Variants in IPO7 observed in about 807,000 individuals in gnomAD.
IPO7 encodes importin-7.
Under a neutral mutation model 136.4 loss-of-function variants are expected in IPO7, and 13 were observed. The ratio of observed to expected loss-of-function variants is 0.10; its 90% CI spans 0.06 to 0.15. The LOEUF is 0.15. Ranked by LOEUF, IPO7 falls within the 10% of genes least tolerant of loss-of-function variation. The probability of loss-of-function intolerance (pLI) is 1.00; values close to 1 mark genes in which losing one functional copy is unlikely to be tolerated. For synonymous variants in IPO7, 403 were observed against 404.4 expected (o/e 1.00, Z 0.04); for missense variants, 857 against 1,240.6 (o/e 0.69, Z 4.65).
At chr11:9,392,853 G>A (rs1348385130) in intron 1 of IPO7, among the ~76,000 whole-genome samples, 4 of 150,652 alleles carry the variant, frequency 2.7e-5, no homozygotes, top group Non-Finnish European at 5.9e-5. Flanking sequence ...GGAGGCTGAG[G>A]TATGAGAACC....
At chr11:9,403,015 C>CTT in intron 1 of IPO7, 2 of 347,190 alleles carry the variant, frequency 5.8e-6, no homozygotes, top group South Asian at 5.6e-5. Context: ...GAGTGAGACT[C>CTT]TGTCTCAAAA....
intron 16 of IPO7, among the ~76,000 whole-genome samples, chr11:9,432,262 C>T (rs977205708): frequency 1.1e-4 from 16 of 148,458 alleles, no homozygotes; most frequent in Admixed American, 5.4e-4. Flanking sequence ...AGTGCAGTGG[C>T]GCCATCTTGG....
At chr11:9,410,120 A>G in intron 4 of IPO7, 34 bp downstream of exon 4, 1 of 1,401,310 alleles carries the variant, frequency 7.1e-7, no homozygotes. Flanking sequence ...TAGAGCTTTG[A>G]GAAGTAGGAA....
intron 1 of IPO7, among the ~76,000 whole-genome samples, chr11:9,400,355 G>C (rs1033813885): frequency 6.6e-6 from 1 of 152,060 alleles, no homozygotes; most frequent in Admixed American, 6.6e-5. Flanking sequence ...CATAGAGCCC[G>C]GTTGTCATAT....
intron 8 of IPO7, 53 bp from the exon 9 acceptor site, chr11:9,422,953 T>C: frequency 8.4e-7 from 1 of 1,191,478 alleles, no homozygotes; most frequent in Non-Finnish European, 1.2e-6. Flanking sequence ...GGCTTGTAAG[T>C]GGTTGAAATT....
At chr11:9,401,260 A>T (rs891410821) in intron 1 of IPO7, among the ~76,000 whole-genome samples, 1 of 152,182 alleles carries the variant, frequency 6.6e-6, no homozygotes, top group Non-Finnish European at 1.5e-5. Context: ...ACTTGAGCTA[A>T]AAGATGACAG....
At chr11:9,408,671 A>T in intron 3 of IPO7, 32 bp downstream of exon 3, 3 of 1,110,078 alleles carry the variant, frequency 2.7e-6, no homozygotes, top group African/African-American at 1.7e-5. Flanking sequence ...CCATTTCTGC[A>T]GGTGTGTAAC....
chr11:9,402,198 G>A (rs558761765), intron 1 of IPO7, among the ~76,000 whole-genome samples: 7 of 151,930 alleles, frequency 4.6e-5, no homozygotes, highest in South Asian at 2.1e-4. Flanking sequence ...TCAGGAGTTC[G>A]AGACCAGCCT....
At chr11:9,385,869 T>G (rs1854545832) in intron 1 of IPO7, among the ~76,000 whole-genome samples, 1 of 152,246 alleles carries the variant, frequency 6.6e-6, no homozygotes, top group African/African-American at 2.4e-5. Context: ...TTTTAAATCC[T>G]TCTTAAAAGG....
rs746245170 is a variant in IPO7, at chr11:9,414,175, G to A, written c.480-80G>A. 6.9e-6 allele frequency: 7 copies of A among 1,007,942 alleles called. No individual in the cohort carries two copies. The East Asian group carries it at 8.8e-5, about 13-fold the overall frequency. The allele number at this position is 1,007,942 out of a possible 1,614,324, so 62.4% of individuals were successfully genotyped here. ...TTAAGAAGTATTTGATTATATTTGT[G>A]TAAATAAATGCATAGTTTAAATATA... On this transcript the variant is annotated intron_variant, in intron 4 of 24. Transcript: ENST00000379719.
intron 17 of IPO7, 37 bp downstream of exon 17, chr11:9,433,673 A>T: frequency 6.2e-7 from 1 of 1,612,764 alleles, no homozygotes; most frequent in Non-Finnish European, 8.5e-7. Context: ...ATTTAGTGCT[A>T]TTTCACATGA....
intron 1 of IPO7, among the ~76,000 whole-genome samples, chr11:9,399,441 G>C (rs1402587961): frequency 6.6e-6 from 1 of 152,130 alleles, no homozygotes; most frequent in Non-Finnish European, 1.5e-5. Flanking sequence ...GATTACAGGC[G>C]TGAGCCACCG....
chr11:9,440,588 A>C lies in IPO7; in HGVS notation c.2829A>C (p.Glu943Asp), dbSNP rs780270417. The change falls in exon 23 of 25, where the codon GAA becomes GAC. Residue 943 changes from glutamate to aspartate, a missense_variant. By Grantham distance (45) the Glu-to-Asp change is conservative. Transcript: ENST00000379719. ...EEDDAEETALEGYSTIIDDED... is the reference protein window; with the variant it reads ...EEDDAEETALDGYSTIIDDED... ...ATGATGCTGAAGAGACTGCTCTGGA[A>C]GGCTATTCCACAATCATTGATGATG... The C allele has an allele frequency of 6.2e-7, 1 of 1,613,984 alleles. No homozygotes were observed. The highest frequency in any genetic ancestry group is 8.5e-7 in the Non-Finnish European group (1 of 1,179,884).
intron 1 of IPO7, among the ~76,000 whole-genome samples, chr11:9,391,985 T>G (rs568864891): frequency 6.6e-6 from 1 of 152,078 alleles, no homozygotes; most frequent in Non-Finnish European, 1.5e-5. Context: ...CAGCCTTGAC[T>G]CCCAAGTGCT....
At chr11:9,425,960 C>G (rs1400781863) in intron 12 of IPO7, among the ~76,000 whole-genome samples, 1 of 151,754 alleles carries the variant, frequency 6.6e-6, no homozygotes, top group Non-Finnish European at 1.5e-5. Context: ...GCAGGAGAAT[C>G]ACTTGAACTT....
chr11:9,395,909 G>T (rs1472375519), intron 1 of IPO7, among the ~76,000 whole-genome samples: 2 of 151,182 alleles, frequency 1.3e-5, no homozygotes, highest in Non-Finnish European at 2.9e-5. Flanking sequence ...TTTAAATAAA[G>T]ATGGGGTTTT....
At chr11:9,442,622 C>G (rs916891837) in intron 24 of IPO7, among the ~76,000 whole-genome samples, 1 of 152,090 alleles carries the variant, frequency 6.6e-6, no homozygotes, top group Non-Finnish European at 1.5e-5. Context: ...ACTGTGTTAG[C>G]CAGGATGGTA....
chr11:9,427,472 C>T (rs1017259847), intron 12 of IPO7, among the ~76,000 whole-genome samples: 1 of 152,180 alleles, frequency 6.6e-6, no homozygotes, highest in Non-Finnish European at 1.5e-5. Context: ...GTTGGCCTGG[C>T]TGGTCTCGAA....
At chr11:9,434,792 T>A (rs938835818) in intron 18 of IPO7, 142 bp from the exon 19 acceptor site, 40 of 666,588 alleles carry the variant, frequency 6.0e-5, no homozygotes, top group Admixed American at 2.6e-4. Flanking sequence ...AGAGTGAGAG[T>A]GTCCCCCCTC....
Sources: gnomAD v4.1 joint callset for allele counts (sites outside exome capture counted in the v4.1 genomes callset) on GRCh38, gnomAD v4.1.1 for gene constraint, MANE v1.5 for transcripts, NCBI Gene and HGNC (gene_info 2026-07-23, HGNC 2026-07-21) for gene names.